Variants in SYN2 observed in about 807,000 individuals in gnomAD.
SYN2 encodes synapsin-2.
In SYN2, 19 loss-of-function variants were observed where a neutral mutation model predicts 50.9. The observed-to-expected ratio is 0.37, with a 90% CI of 0.26 to 0.55. The LOEUF is 0.55. Among genes scored for constraint, SYN2 ranks in the 20% least tolerant of loss-of-function variants. The pLI is 0.81. For missense variants in SYN2, 587 were observed against 576.4 expected, an observed-to-expected ratio of 1.02 and a Z score of -0.19; for synonymous variants, 255 against 224.9, an observed-to-expected ratio of 1.13 and a Z score of -1.20.
At chr3:12,173,756 A>T (rs1389941496) in intron 10 of SYN2, among the ~76,000 whole-genome samples, 1 of 152,052 alleles carries the variant, frequency 6.6e-6, no homozygotes, top group Non-Finnish European at 1.5e-5. Context: ...TCTACTAAAA[A>T]TACAAAAATT....
rs374490892 is a variant in SYN2, at chr3:12,145,841, T to C, written c.684+6T>C. On this transcript the variant is annotated splice_donor_region_variant and intron_variant, in intron 4 of 12. Coordinates refer to ENST00000621198, the MANE Select transcript of SYN2 (RefSeq NM_133625.6). ...TCTGTGACAAGCCATGGGTGGTGAG[T>C]GAGGCCCCCTTCCCCCAAGTAAAAG... 9 of 1,613,360 alleles carry C rather than the reference T, an allele frequency of 5.6e-6. No homozygotes were observed. Among genetic ancestry groups the C allele is most frequent in the Non-Finnish European group, 7.6e-6 (9 of 1,179,712 alleles).
chr3:12,184,220 A>C, intron 11 of SYN2: 1 of 985,874 alleles, frequency 1.0e-6, no homozygotes, highest in South Asian at 4.7e-5. Context: ...GAGATTTTTA[A>C]AAAATGGGGC....
chr3:12,055,534 T>C (rs992125409), intron 1 of SYN2, among the ~76,000 whole-genome samples: 5 of 152,166 alleles, frequency 3.3e-5, no homozygotes, highest in African/African-American at 1.2e-4. Context: ...GTGATTGTGT[T>C]GATTCTGTGG....
chr3:12,008,183 C>T (rs1693837965), intron 1 of SYN2, among the ~76,000 whole-genome samples: 1 of 152,144 alleles, frequency 6.6e-6, no homozygotes, highest in South Asian at 2.1e-4. Context: ...TCTGTCCTGC[C>T]TTTGTTCCGG....
Position 12,013,696 on chromosome 3 carries a change from A to G in SYN2, c.377+8768A>G, listed in dbSNP as rs560373392. On this transcript the variant is annotated intron_variant, in intron 1 of 12. Transcript: ENST00000621198. ...TTCTGCAAGTCTCATCATGATTTCC[A>G]TTTAGTAACCTGAATGAACTATTTA... Among the ~76,000 whole-genome samples the G allele has an allele frequency of 5.9e-5, 9 of 152,280 alleles. No individual in the cohort carries two copies. In the East Asian group the frequency reaches 1.4e-3, roughly 23 times the overall value.
At chr3:12,056,689 T>TGAGTAGGG (rs1694997684) in intron 1 of SYN2, among the ~76,000 whole-genome samples, 1 of 152,186 alleles carries the variant, frequency 6.6e-6, no homozygotes, top group Non-Finnish European at 1.5e-5. Context: ...CTCATGGTAA[T>TGAGTAGGG]GAGTAGGGGG....
At chr3:12,042,901 T>C (rs954727927) in intron 1 of SYN2, among the ~76,000 whole-genome samples, 2 of 152,106 alleles carry the variant, frequency 1.3e-5, no homozygotes, top group Non-Finnish European at 2.9e-5. Context: ...GAGGCAAGGA[T>C]TGGATGGGCC....
rs1196884075 is a variant in SYN2 at position 12,004,472 on chromosome 3, T to C, written c.-80T>C. 1 of 369,040 alleles carries C rather than the reference T, an allele frequency of 2.7e-6. No homozygotes were observed. Among genetic ancestry groups the C allele is most frequent in the East Asian group, 5.3e-5 (1 of 18,726 alleles). 22.9% of individuals were successfully genotyped at this position (369,040 alleles called of 1,614,324 possible). Reference sequence around the variant, plus strand: ...CGCCGCCTCAGCCGCCTCAGTCGCCTCAATCTCGCCTTCCGCCCTCGCTCT... The same window carrying C: ...CGCCGCCTCAGCCGCCTCAGTCGCCCCAATCTCGCCTTCCGCCCTCGCTCT... On this transcript the variant is annotated 5_prime_UTR_variant, in exon 1 of 13. Coordinates refer to ENST00000621198, the MANE Select transcript of SYN2 (RefSeq NM_133625.6).
At chr3:12,189,103 T>C (rs1336054921) in intron 12 of SYN2, among the ~76,000 whole-genome samples, 1 of 152,182 alleles carries the variant, frequency 6.6e-6, no homozygotes, top group Non-Finnish European at 1.5e-5. Context: ...CTCACAGTTC[T>C]GTAGAAGGGA....
intron 1 of SYN2, among the ~76,000 whole-genome samples, chr3:12,038,966 A>G (rs1694557017): frequency 6.6e-6 from 1 of 152,042 alleles, no homozygotes; most frequent in Non-Finnish European, 1.5e-5. Flanking sequence ...AGTTGAGAGA[A>G]TGGATATCCT....
At position 12,145,760 on chromosome 3, in the gene SYN2, T is replaced by C. The variant is rs534070905; in HGVS notation, c.609T>C (p.Ile203=). Residue 203 remains isoleucine (I), a synonymous_variant, in exon 4 of 13, where the codon ATT becomes ATC. Coordinates refer to ENST00000621198, the MANE Select transcript of SYN2 (RefSeq NM_133625.6). ...AENEDFRHLI[I]GMQYAGLPSI... Reference sequence around the variant, plus strand: ...ATGAGGACTTCCGCCACCTGATCATTGGTATGCAGTATGCAGGCCTCCCCA... The same window carrying C: ...ATGAGGACTTCCGCCACCTGATCATCGGTATGCAGTATGCAGGCCTCCCCA... 4.2e-5 allele frequency: 67 copies of C among 1,613,996 alleles called. 1 individual carries two copies. The South Asian group carries it at 6.9e-4, about 17-fold the overall frequency.
intron 1 of SYN2, chr3:12,071,504 A>G (rs1405573113): frequency 2.5e-6 from 1 of 405,790 alleles, no homozygotes; most frequent in Non-Finnish European, 4.9e-6. Context: ...TGAAGCTTGT[A>G]TCTGATATCA....
chr3:12,042,847 G>A (rs931090108), intron 1 of SYN2, among the ~76,000 whole-genome samples: 24 of 152,130 alleles, frequency 1.6e-4, no homozygotes, highest in Non-Finnish European at 3.2e-4. Context: ...GCAACTACAA[G>A]CTAGGGAATG....
intron 1 of SYN2, among the ~76,000 whole-genome samples, chr3:12,119,544 T>C (rs1696506649): frequency 6.6e-6 from 1 of 152,210 alleles, no homozygotes; most frequent in Non-Finnish European, 1.5e-5. Flanking sequence ...TGTTTTTCTC[T>C]CTTTTCTCTC....
intron 5 of SYN2, chr3:12,153,829 G>C (rs1697376075): frequency 9.1e-7 from 1 of 1,095,756 alleles, no homozygotes; most frequent in East Asian, 2.6e-5. Context: ...ATCTTATCAA[G>C]CCTTTCCCAG....
chr3:12,070,029 A>G (rs1261309592), intron 1 of SYN2, among the ~76,000 whole-genome samples: 1 of 151,620 alleles, frequency 6.6e-6, no homozygotes, highest in East Asian at 2.0e-4. Flanking sequence ...GAATTCCTCA[A>G]ACTCAAGTGA....
At chr3:12,140,547 A>G (rs928037308) in intron 1 of SYN2, 104 bp from the exon 2 acceptor site, 1 of 712,948 alleles carries the variant, frequency 1.4e-6, no homozygotes, top group Non-Finnish European at 2.6e-6. Context: ...CTTGACCCTC[A>G]TTCTGGAGAT....
chr3:12,034,599 T>C (rs1694454435), intron 1 of SYN2, among the ~76,000 whole-genome samples: 1 of 152,126 alleles, frequency 6.6e-6, no homozygotes, highest in Non-Finnish European at 1.5e-5. Context: ...CATCATAACA[T>C]GGGGGAAGGC....
chr3:12,031,965 C>T (rs1161969501), intron 1 of SYN2, among the ~76,000 whole-genome samples: 2 of 147,682 alleles, frequency 1.4e-5, no homozygotes, highest in African/African-American at 4.9e-5. Flanking sequence ...GATGCAGTTT[C>T]TTCCTAGTCT....
Sources: gnomAD v4.1 joint callset for allele counts (sites outside exome capture counted in the v4.1 genomes callset) on GRCh38, gnomAD v4.1.1 for gene constraint, MANE v1.5 for transcripts, NCBI Gene and HGNC (gene_info 2026-07-23, HGNC 2026-07-21) for gene names.